SPOPL: variants seen among roughly 807,000 people sequenced by gnomAD.
SPOPL encodes the protein speckle type BTB/POZ protein like, also known as speckle-type POZ protein-like.
Under a neutral mutation model 53.8 loss-of-function variants are expected in SPOPL, and 23 were observed. The ratio of observed to expected loss-of-function variants is 0.43; its 90% confidence interval spans 0.31 to 0.61. The LOEUF is 0.61. Among genes scored for constraint, SPOPL ranks in the 20% least tolerant of loss-of-function variants. The pLI is 0.12. For missense variants in SPOPL, 442 were observed against 466.9 expected, an observed-to-expected ratio of 0.95 and a Z score of 0.49; for synonymous variants, 164 against 149.7, an observed-to-expected ratio of 1.10 and a Z score of -0.70.
chr2:138,527,517 A>G (rs986549330), intron 1 of SPOPL, among the ~76,000 whole-genome samples: 1 of 152,136 alleles, frequency 6.6e-6, no homozygotes, highest in African/African-American at 2.4e-5. Flanking sequence ...TTTGTCATTT[A>G]TTTTTAATCA....
intron 1 of SPOPL, among the ~76,000 whole-genome samples, chr2:138,505,258 T>G (rs1296473464): frequency 6.6e-6 from 1 of 152,188 alleles, no homozygotes; most frequent in Non-Finnish European, 1.5e-5. Context: ...TCATCAAAAG[T>G]CTTATGTCAA....
rs1685720053 is a variant in SPOPL, at chr2:138,568,855, CAAGTTTTT to C, written c.1035-77_1035-70del. Reference sequence around the variant, plus strand: ...AAGTGTTCAAATATTTTGAAATTTGCAAGTTTTTAAGAAATTAACAGTGCAATAGTGCA... The same window carrying C: ...AAGTGTTCAAATATTTTGAAATTTGCAAGAAATTAACAGTGCAATAGTGCA... On this transcript the variant is annotated intron_variant, in intron 10 of 10. Transcript: ENST00000280098. 3.1e-5 allele frequency: 45 copies of C among 1,464,056 alleles called. No individual in the cohort carries two copies. In the East Asian group the frequency reaches 1.0e-3, roughly 33 times the overall value. The allele number at this position is 1,464,056 out of a possible 1,614,324, so 90.7% of individuals were successfully genotyped here.
chr2:138,526,662 C>T (rs1684682050), intron 1 of SPOPL, among the ~76,000 whole-genome samples: 1 of 151,264 alleles, frequency 6.6e-6, no homozygotes, highest in African/African-American at 2.4e-5. Flanking sequence ...GGATGTCAAA[C>T]TTTTCAAGTA....
intron 5 of SPOPL, among the ~76,000 whole-genome samples, chr2:138,552,998 A>G (rs1427143515): frequency 6.6e-6 from 1 of 152,094 alleles, no homozygotes; most frequent in Non-Finnish European, 1.5e-5. Context: ...CATTCTGAGT[A>G]ACTGACATAG....
chr2:138,559,149 GT>G lies in SPOPL; in HGVS notation c.614del (p.Phe205SerfsTer2). 4 of 1,613,748 alleles carry G rather than the reference GT, an allele frequency of 2.5e-6. No individual in the cohort carries two copies. The highest frequency in any genetic ancestry group is 1.7e-5 in the Admixed American group (1 of 60,002). On this transcript the variant is annotated frameshift_variant, in exon 6 of 11. Transcript: ENST00000280098. LOFTEE classifies it high-confidence loss of function. ...LWENTRFTDCSFFVRGQEFKA... is the reference protein window; with the variant it reads ...LWENTRFTDCXFFVRGQEFKA... The stretch of plus-strand genomic sequence containing the variant: ...GAAAACACAAGATTTACAGACTGCA[GT>G]TTTTTCGTGAGAGGACAAGAATTTA...
At chr2:138,544,370 G>A (rs1485892595) in intron 1 of SPOPL, among the ~76,000 whole-genome samples, 1 of 152,202 alleles carries the variant, frequency 6.6e-6, no homozygotes, top group Non-Finnish European at 1.5e-5. Flanking sequence ...TTGAGCTGCG[G>A]TGGGCTCCAC....
At position 138,532,330 on chromosome 2, in the gene SPOPL, C is replaced by T. The variant is rs200989929; in HGVS notation, c.-60-17827C>T. On this transcript the variant is annotated intron_variant, in intron 1 of 10. Coordinates refer to ENST00000280098, the MANE Select transcript of SPOPL (RefSeq NM_001001664.3). Reference sequence around the variant, plus strand: ...TGTCTGGGTAAAGTGTGGATTCTCGCTCTTGCATTATGCTTAGAATCTGCA... The same window carrying T: ...TGTCTGGGTAAAGTGTGGATTCTCGTTCTTGCATTATGCTTAGAATCTGCA... Among the ~76,000 whole-genome samples, 104 of 151,870 alleles carry T rather than the reference C, an allele frequency of 6.8e-4. 1 individual carries two copies. The highest frequency in any genetic ancestry group is 1.3e-3 in the Non-Finnish European group (87 of 67,980).
In SPOPL at chr2:138,539,210, A is replaced by G. The variant is rs1187286541; in HGVS notation, c.-60-10947A>G. Among the ~76,000 whole-genome samples, 7 of 149,328 alleles carry G rather than the reference A, an allele frequency of 4.7e-5. No individual in the cohort carries two copies. The East Asian group carries it at 6.2e-4, about 13-fold the overall frequency. On this transcript the variant is annotated intron_variant, in intron 1 of 10. Transcript: ENST00000280098. ...TTGTGAATAGTGCTGCAATAAACAT[A>G]TGTGTGCATGTGTCTTTATAGCAGC...
intron 1 of SPOPL, among the ~76,000 whole-genome samples, chr2:138,533,328 A>G (rs1684853995): frequency 6.6e-6 from 1 of 152,122 alleles, no homozygotes; most frequent in African/African-American, 2.4e-5. Flanking sequence ...AGCTCAGGGA[A>G]TATCTTCAGG....
rs1346077878 is a variant in SPOPL, at chr2:138,571,604, TG to T, written c.*2525del. ...TTGAGGCAATGATAAAAACACTTAATGTATTCTGACATGAGTGCTCTAATAG... is the reference window on the plus strand; with the variant it reads ...TTGAGGCAATGATAAAAACACTTAATTATTCTGACATGAGTGCTCTAATAG... On this transcript the variant is annotated 3_prime_UTR_variant, in exon 11 of 11. Transcript: ENST00000280098. 1 of 152,564 alleles carries T rather than the reference TG, an allele frequency of 6.6e-6. No individual in the cohort carries two copies. Among genetic ancestry groups the T allele is most frequent in the Non-Finnish European group, 1.5e-5 (1 of 68,004 alleles). The allele number at this position is 152,564 out of a possible 1,614,324, so 9.5% of individuals were successfully genotyped here.
chr2:138,502,685 T>C (rs949144796), intron 1 of SPOPL, among the ~76,000 whole-genome samples: 3 of 152,206 alleles, frequency 2.0e-5, no homozygotes, highest in African/African-American at 7.2e-5. Flanking sequence ...TGCTTTCTAA[T>C]ACATTTTTGC....
At chr2:138,531,827 T>G (rs1222339681) in intron 1 of SPOPL, among the ~76,000 whole-genome samples, 1 of 152,102 alleles carries the variant, frequency 6.6e-6, no homozygotes, top group Non-Finnish European at 1.5e-5. Context: ...TAAGCGTCTG[T>G]TTTTTGGCAG....
chr2:138,546,857 C>A (rs1685206970), intron 1 of SPOPL, among the ~76,000 whole-genome samples: 1 of 152,256 alleles, frequency 6.6e-6, no homozygotes, highest in African/African-American at 2.4e-5. Context: ...ACAGTCTGTT[C>A]ACTCAGATTC....
At chr2:138,523,536 A>C (rs1684603034) in intron 1 of SPOPL, among the ~76,000 whole-genome samples, 1 of 152,132 alleles carries the variant, frequency 6.6e-6, no homozygotes, top group African/African-American at 2.4e-5. Flanking sequence ...CACAGTCCAA[A>C]GTCTTATCTG....
In SPOPL at chr2:138,550,471, T is replaced by C. The variant is rs1376545475; in HGVS notation, c.79-12T>C. On this transcript the variant is annotated splice_polypyrimidine_tract_variant and intron_variant, in intron 2 of 10. Coordinates refer to ENST00000280098, the MANE Select transcript of SPOPL (RefSeq NM_001001664.3). ...CGTCATCATTATAAAAGTGGTTTTC[T>C]GAATCTCTTAGGTTAAAGTAGTAAA... 6.3e-7 allele frequency: 1 copy of C among 1,599,250 alleles called. No homozygotes were observed. Among genetic ancestry groups the C allele is most frequent in the Non-Finnish European group, 8.5e-7 (1 of 1,171,506 alleles).
In SPOPL at chr2:138,563,329, T is replaced by C. The variant is rs138672409; in HGVS notation, c.838-1379T>C. ...CCCATCTCTACAAAAAAAAATTTTT[T>C]TAATTAGCCTGGTGTGGTGCCATGT... On this transcript the variant is annotated intron_variant, in intron 8 of 10. Coordinates refer to ENST00000280098, the MANE Select transcript of SPOPL (RefSeq NM_001001664.3). Among the ~76,000 whole-genome samples the C allele has an allele frequency of 5.6e-3, 845 of 152,088 alleles. 8 individuals carry two copies. Among genetic ancestry groups the C allele is most frequent in the African/African-American group, 0.019 (789 of 41,472 alleles).
chr2:138,515,240 G>T (rs138930606), intron 1 of SPOPL, among the ~76,000 whole-genome samples: 6 of 152,192 alleles, frequency 3.9e-5, no homozygotes, highest in African/African-American at 1.2e-4. Flanking sequence ...GAAAAGTTTT[G>T]TAGGCTTTTT....
chr2:138,537,930 T>C (rs1684972503), intron 1 of SPOPL, among the ~76,000 whole-genome samples: 1 of 152,200 alleles, frequency 6.6e-6, no homozygotes, highest in South Asian at 2.1e-4. Context: ...TTTTTTTCAT[T>C]AGTGGTTCAG....
At chr2:138,529,535 T>TGCACGC (rs1553469117) in intron 1 of SPOPL, among the ~76,000 whole-genome samples, 39 of 103,300 alleles carry the variant, frequency 3.8e-4, no homozygotes, top group African/African-American at 1.3e-3. Flanking sequence ...TGTGTGTGTG[T>TGCACGC]TTGCGTGCGC....
Sources: allele counts gnomAD v4.1 joint callset (sites outside exome capture counted in the v4.1 genomes callset), GRCh38; gene constraint gnomAD v4.1.1; transcripts MANE v1.5; gene names NCBI Gene and HGNC (gene_info 2026-07-23, HGNC 2026-07-21).